Variants in FGGY observed in about 807,000 individuals in gnomAD.
The protein encoded by FGGY is FGGY carbohydrate kinase domain containing.
In FGGY, 72 loss-of-function variants were observed where a neutral mutation model predicts 71.3. The observed-to-expected ratio is 1.01, with a 90% CI of 0.84 to 1.23. The LOEUF (loss-of-function observed/expected upper bound fraction) is 1.23, where lower values mean the gene tolerates loss of function less well. Among genes scored for constraint, FGGY ranks in the 50% most tolerant of loss-of-function variants. FGGY has a pLI of 0.00. For synonymous variants in FGGY, 251 were observed against 250.3 expected (o/e 1.00, Z -0.02); for missense variants, 668 against 682.3 (o/e 0.98, Z 0.23).
intron 11 of FGGY, among the ~76,000 whole-genome samples, chr1:59,654,588 TA>T (rs2097201222): frequency 6.6e-6 from 1 of 152,154 alleles, no homozygotes; most frequent in East Asian, 1.9e-4. Flanking sequence ...CTTTAACAAC[TA>T]GGAAGGAAAA....
Position 59,482,624 on chromosome 1 carries a change from G to GTC in FGGY, c.670+25549_670+25550insCT, listed in dbSNP as rs202054552. Among the ~76,000 whole-genome samples, 804 of 103,064 alleles carry GTC rather than the reference G, an allele frequency of 7.8e-3. 1 individual carries two copies. Among genetic ancestry groups the GTC allele is most frequent in the African/African-American group, 0.022 (427 of 19,810 alleles). The allele number at this position is 103,064 out of a possible 152,430, so 67.6% of individuals were successfully genotyped here. ...TGTATATATACATATGTGTGTGTGT[G>GTC]TGTCTGTGTGTATATATATATATAT... On this transcript the variant is annotated intron_variant, in intron 6 of 15. Transcript: ENST00000303721.
At chr1:59,619,928 G>T (rs564365014) in intron 9 of FGGY, among the ~76,000 whole-genome samples, 2 of 152,046 alleles carry the variant, frequency 1.3e-5, no homozygotes, top group Admixed American at 6.6e-5. Context: ...GTTAGATTTT[G>T]GATATATTTT....
At chr1:59,374,254 G>A (rs1400386541) in intron 4 of FGGY, among the ~76,000 whole-genome samples, 2 of 152,156 alleles carry the variant, frequency 1.3e-5, no homozygotes, top group South Asian at 2.1e-4. Flanking sequence ...GACATGAACA[G>A]ACACTTCTCA....
intron 2 of FGGY, among the ~76,000 whole-genome samples, chr1:59,324,649 G>A (rs77224816): frequency 6.6e-6 from 1 of 152,122 alleles, no homozygotes; most frequent in Non-Finnish European, 1.5e-5. Context: ...CTTTGAAGAG[G>A]TTCAGTAAGC....
intron 14 of FGGY, among the ~76,000 whole-genome samples, chr1:59,711,536 C>T (rs949315639): frequency 2.8e-4 from 42 of 152,146 alleles, no homozygotes; most frequent in African/African-American, 1.4e-4. Context: ...GTGCATTGCA[C>T]GGGTGTATTA....
intron 14 of FGGY, among the ~76,000 whole-genome samples, chr1:59,733,017 T>C (rs903797676): frequency 6.6e-6 from 1 of 151,974 alleles, no homozygotes; most frequent in Non-Finnish European, 1.5e-5. Context: ...TGGAGCCAGA[T>C]TGCCTGAGTT....
chr1:59,625,852 A>G (rs2096851247), intron 9 of FGGY, 136 bp from the exon 10 acceptor site: 1 of 556,512 alleles, frequency 1.8e-6, no homozygotes, highest in South Asian at 5.1e-5. Context: ...CTCTTGCTAC[A>G]TTGGCATTTT....
intron 5 of FGGY, among the ~76,000 whole-genome samples, chr1:59,392,407 C>A (rs781041438): frequency 2.0e-5 from 3 of 152,114 alleles, no homozygotes; most frequent in South Asian, 2.1e-4. Flanking sequence ...TCGTAAGACT[C>A]GTGTCTGGTC....
At chr1:59,667,204 T>A (rs1175144212) in intron 12 of FGGY, 79 bp from the exon 13 acceptor site, 7 of 1,532,378 alleles carry the variant, frequency 4.6e-6, no homozygotes, top group Non-Finnish European at 6.3e-6. Flanking sequence ...TGTCTAGCAC[T>A]GAGTAGACAT....
chr1:59,660,509 G>A, intron 12 of FGGY: 2 of 394,908 alleles, frequency 5.1e-6, no homozygotes, highest in Non-Finnish European at 9.0e-6. Flanking sequence ...GCTGAAAGGA[G>A]TTAAAATCTG....
chr1:59,476,765 T>G (rs2153559458), intron 6 of FGGY, among the ~76,000 whole-genome samples: 1 of 152,332 alleles, frequency 6.6e-6, no homozygotes, highest in Non-Finnish European at 1.5e-5. Context: ...TTGTCTGACA[T>G]TCCCTTCCTC....
At chr1:59,691,406 G>A (rs2097585277) in intron 14 of FGGY, among the ~76,000 whole-genome samples, 1 of 152,160 alleles carries the variant, frequency 6.6e-6, no homozygotes, top group Admixed American at 6.5e-5. Flanking sequence ...ATAATGTACA[G>A]TGGATTGGGG....
intron 11 of FGGY, among the ~76,000 whole-genome samples, chr1:59,646,318 C>CTT (rs201344875): frequency 1.1e-3 from 169 of 150,882 alleles, no homozygotes; most frequent in African/African-American, 3.5e-3. Context: ...TTTATTCGGA[C>CTT]TTTTTTTTTA....
At chr1:59,461,143 A>T (rs1044704059) in intron 6 of FGGY, among the ~76,000 whole-genome samples, 2 of 152,180 alleles carry the variant, frequency 1.3e-5, no homozygotes, top group African/African-American at 2.4e-5. Flanking sequence ...AGGATATTCA[A>T]CCCCATCGCA....
chr1:59,750,192 C>G (rs2098233501), intron 14 of FGGY, among the ~76,000 whole-genome samples: 1 of 152,160 alleles, frequency 6.6e-6, no homozygotes, highest in African/African-American at 2.4e-5. Context: ...CTGCTAATGC[C>G]TCCATTTCCT....
intron 5 of FGGY, among the ~76,000 whole-genome samples, chr1:59,394,747 A>G (rs562090471): frequency 1.3e-5 from 2 of 152,218 alleles, no homozygotes; most frequent in South Asian, 2.1e-4. Context: ...CACTTTACAT[A>G]TTTATTTCCT....
intron 11 of FGGY, among the ~76,000 whole-genome samples, chr1:59,640,048 G>A (rs1186905803): frequency 6.6e-6 from 1 of 152,138 alleles, no homozygotes; most frequent in Non-Finnish European, 1.5e-5. Context: ...CTTCTTACAT[G>A]GGGACATATG....
At chr1:59,576,705 C>CAT (rs950722194) in intron 8 of FGGY, among the ~76,000 whole-genome samples, 2 of 150,378 alleles carry the variant, frequency 1.3e-5, no homozygotes, top group Non-Finnish European at 2.9e-5. Flanking sequence ...CACACACACA[C>CAT]ACACACACAT....
At chr1:59,592,965 AAAAAT>A (rs59646548) in intron 8 of FGGY, among the ~76,000 whole-genome samples, 8,053 of 152,260 alleles carry the variant, frequency 0.053, 411 homozygotes, top group African/African-American at 0.14. Context: ...GTAAAAATAA[AAAAAT>A]AAAAGAGAAA....
Sources: gnomAD v4.1 joint callset for allele counts (sites outside exome capture counted in the v4.1 genomes callset) on GRCh38, gnomAD v4.1.1 for gene constraint, MANE v1.5 for transcripts, NCBI Gene and HGNC (gene_info 2026-07-23, HGNC 2026-07-21) for gene names.